The following SPG11 variants were observed in gnomAD, a reference collection of about 807,000 sequenced individuals.
The protein encoded by SPG11 is spatacsin.
A neutral mutation model predicts 274.0 loss-of-function variants in SPG11; 222 were observed. The observed-to-expected ratio is 0.81, with a 90% confidence interval of 0.73 to 0.91. The LOEUF is 0.91. Ranked by LOEUF, SPG11 falls within the 40% of genes least tolerant of loss-of-function variation. The pLI is 0.00. For synonymous variants in SPG11, 1,144 were observed against 1,039.7 expected (o/e 1.10, Z -1.93); for missense variants, 3,114 against 2,872.7 (o/e 1.08, Z -1.92).
chr15:44,656,046 G>A (rs2084931143), intron 4 of SPG11, among the ~76,000 whole-genome samples: 1 of 152,106 alleles, frequency 6.6e-6, no homozygotes, highest in Non-Finnish European at 1.5e-5. Context: ...CCCCTAAGAA[G>A]GATGGAAGGA....
rs1428941848 is a variant in SPG11 at position 44,567,471 on chromosome 15, T to A, written c.6707A>T (p.Glu2236Val). The A allele has an allele frequency of 1.2e-6, 2 of 1,613,696 alleles. No individual in the cohort carries two copies. Among genetic ancestry groups the A allele is most frequent in the Non-Finnish European group, 1.7e-6 (2 of 1,179,928 alleles). ...TTTCAGTTGGATGCGGGCAGCTGCCTCGTGGTTCTCGCCAATCTCCCGGCA... is the reference window on the plus strand; with the variant it reads ...TTTCAGTTGGATGCGGGCAGCTGCCACGTGGTTCTCGCCAATCTCCCGGCA... ...SMCREIGENHEAAARIQLKLI... is the reference protein window; with the variant it reads ...SMCREIGENHVAAARIQLKLI... The change falls in exon 36 of 40, where the codon GAG becomes GTG. Residue 2236 changes from glutamate (E) to valine (V), a missense_variant. Coordinates refer to ENST00000261866, the MANE Select transcript of SPG11 (RefSeq NM_025137.4).
chr15:44,651,591 G>A lies in SPG11; in HGVS notation c.1356C>T (p.Leu452=). The change falls in exon 6 of 40, where the codon CTC becomes CTT. Residue 452 remains leucine (L), a synonymous_variant. Transcript: ENST00000261866. The part of the protein sequence containing the change: ...EVERMGYTIT[L]WDLETQGMQC... ...GCATGCCCTGGGTCTCCAAATCCCA[G>A]AGGGTAATGGTATAGCCCATCCTTT... The A allele has an allele frequency of 1.9e-6, 3 of 1,614,204 alleles. No individual in the cohort carries two copies. Among genetic ancestry groups the A allele is most frequent in the South Asian group, 1.1e-5 (1 of 91,084 alleles).
chr15:44,589,973 A>T (rs1472174260), intron 27 of SPG11, among the ~76,000 whole-genome samples: 1 of 152,032 alleles, frequency 6.6e-6, no homozygotes, highest in African/African-American at 2.4e-5. Context: ...CGCCTGGCTA[A>T]TTTTTTTGTA....
At chr15:44,659,664 AAT>A (rs1052118258) in intron 2 of SPG11, among the ~76,000 whole-genome samples, 11 of 152,250 alleles carry the variant, frequency 7.2e-5, no homozygotes, top group African/African-American at 2.7e-4. Context: ...CTGCTTTAAA[AAT>A]AGAGGCCTGA....
intron 30 of SPG11, among the ~76,000 whole-genome samples, chr15:44,575,864 C>T (rs548893963): frequency 2.0e-4 from 30 of 151,952 alleles, no homozygotes; most frequent in African/African-American, 4.1e-4. Context: ...AGCTCTTGGA[C>T]GGGTGCGGTG....
chr15:44,611,043 T>C, intron 17 of SPG11, 58 bp from the exon 18 acceptor site: 1 of 1,414,218 alleles, frequency 7.1e-7, no homozygotes. Flanking sequence ...AAATTAAGGA[T>C]TACATAAATG....
rs747586599 is a variant in SPG11, at chr15:44,615,383, A to T, written c.3018T>A (p.Tyr1006Ter). ...CTCACTTGTAACAGTCAAGGTAGAC[A>T]TAAAGAAGATGCTGCAGACTGTGCT... is the stretch of plus-strand genomic sequence containing the variant. ...CLEHSLQHLL[Y>*]VYLDCYKLSP... Residue 1006 changes from tyrosine to a stop codon, truncating the protein, a stop_gained, in exon 16 of 40, where the codon TAT becomes TAA. Transcript: ENST00000261866. LOFTEE classifies it high-confidence loss of function. The T allele has an allele frequency of 6.2e-6, 10 of 1,613,784 alleles. No homozygotes were observed. The highest frequency in any genetic ancestry group is 7.6e-6 in the Non-Finnish European group (9 of 1,179,998).
intron 1 of SPG11, among the ~76,000 whole-genome samples, 162 bp downstream of exon 1, chr15:44,663,229 G>C (rs1221155392): frequency 1.3e-5 from 2 of 152,242 alleles, no homozygotes; most frequent in African/African-American, 4.8e-5. Context: ...GAAAGGTTCT[G>C]TGAGGAAACC....
At chr15:44,641,634 A>ACAC (rs1555458681) in intron 7 of SPG11, among the ~76,000 whole-genome samples, 11 of 78,532 alleles carry the variant, frequency 1.4e-4, no homozygotes, top group Admixed American at 2.6e-4. Context: ...CACACACACA[A>ACAC]AACCTTAATC....
At chr15:44,639,288 C>T (rs1050085808) in intron 7 of SPG11, among the ~76,000 whole-genome samples, 35 of 151,602 alleles carry the variant, frequency 2.3e-4, no homozygotes, top group African/African-American at 8.2e-4. Context: ...CACACACACA[C>T]ACACACACAC....
At chr15:44,575,695 A>C (rs1377179597) in intron 30 of SPG11, among the ~76,000 whole-genome samples, 1 of 151,980 alleles carries the variant, frequency 6.6e-6, no homozygotes, top group Non-Finnish European at 1.5e-5. Context: ...AAGTTTTGCC[A>C]TGTTGATCAG....
chr15:44,662,917 T>C (rs1466305929), intron 1 of SPG11, among the ~76,000 whole-genome samples: 1 of 152,226 alleles, frequency 6.6e-6, no homozygotes, highest in Non-Finnish European at 1.5e-5. Flanking sequence ...GACTCTGTCC[T>C]TGAAGAAGAG....
chr15:44,608,685 G>T, intron 18 of SPG11, 80 bp from the exon 19 acceptor site: 1 of 1,365,320 alleles, frequency 7.3e-7, no homozygotes, highest in Non-Finnish European at 1.0e-6. Flanking sequence ...AGAACCTTGT[G>T]AAACAAGATT....
Position 44,564,609 on chromosome 15 carries a change from G to A in SPG11, c.7089C>T (p.Tyr2363=). ...QQVILKGDFN[Y]LEEFKQQRLL... is the part of the protein sequence containing the mutation. ...ACCTTTGCTGCTTAAATTCTTCCAA[G>A]TAATTAAAGTCTCCTTTAAGAATCA... is the stretch of plus-strand genomic sequence containing the variant. The change falls in exon 39 of 40, where the codon TAC becomes TAT. Residue 2363 remains tyrosine, a synonymous_variant. Coordinates refer to ENST00000261866, the MANE Select transcript of SPG11 (RefSeq NM_025137.4). The A allele has an allele frequency of 6.2e-7, 1 of 1,613,738 alleles. No homozygotes were observed. Among genetic ancestry groups the A allele is most frequent in the Non-Finnish European group, 8.5e-7 (1 of 1,179,694 alleles).
rs1225512542 is a variant in SPG11 at position 44,572,752 on chromosome 15, C to G, written c.6274G>C (p.Asp2092His). Reference sequence around the variant, plus strand: ...AACTTCATGCCTACCAATGTGCGGTCTTGACACAGAGTGGTCAGCTGAAGA... The same window carrying G: ...AACTTCATGCCTACCAATGTGCGGTGTTGACACAGAGTGGTCAGCTGAAGA... ...TFLQLTTLCQDRTLVGMKLLD... is the reference protein window; with the variant it reads ...TFLQLTTLCQHRTLVGMKLLD... Residue 2092 changes from aspartate to histidine, a missense_variant, in exon 33 of 40, where the codon GAC becomes CAC. Transcript: ENST00000261866. 1.2e-6 allele frequency: 2 copies of G among 1,614,066 alleles called. No homozygotes were observed. Among genetic ancestry groups the G allele is most frequent in the Non-Finnish European group, 1.7e-6 (2 of 1,179,986 alleles).
chr15:44,598,804 A>G lies in SPG11; in HGVS notation c.3719T>C (p.Ile1240Thr), dbSNP rs770843397. The change falls in exon 22 of 40, where the codon ATA (isoleucine) becomes ACA (threonine). Residue 1240 changes from isoleucine (I) to threonine (T), a missense_variant. Coordinates refer to ENST00000261866, the MANE Select transcript of SPG11 (RefSeq NM_025137.4). Reference sequence around the variant, plus strand: ...AGGTATGTGGAAGGAGGAGAGCCCTATAACATAGGCTTCATTGCCTACTTG... The same window carrying G: ...AGGTATGTGGAAGGAGGAGAGCCCTGTAACATAGGCTTCATTGCCTACTTG... ...IQQVGNEAYV[I>T]GLSSFHIPSI... 16 of 1,614,098 alleles carry G rather than the reference A, an allele frequency of 9.9e-6. No individual in the cohort carries two copies. Among genetic ancestry groups the G allele is most frequent in the South Asian group, 8.8e-5 (8 of 91,088 alleles).
At chr15:44,639,430 G>T (rs569647243) in intron 7 of SPG11, among the ~76,000 whole-genome samples, 27 of 152,236 alleles carry the variant, frequency 1.8e-4, no homozygotes, top group African/African-American at 6.3e-4. Context: ...GTAGCTAGGC[G>T]TGGTGGTTCA....
At chr15:44,581,051 CCAA>C (rs768253486) in intron 30 of SPG11, among the ~76,000 whole-genome samples, 2 of 151,654 alleles carry the variant, frequency 1.3e-5, no homozygotes, top group Non-Finnish European at 2.9e-5. Context: ...CTGCTGAAGA[CCAA>C]CAACAGAAAA....
chr15:44,633,359 A>AAAAAAAAAAAAG (rs1567177921), intron 8 of SPG11, 146 bp downstream of exon 8: 2 of 356,520 alleles, frequency 5.6e-6, no homozygotes, highest in Non-Finnish European at 9.6e-6. Context: ...AAAAAAAAAA[A>AAAAAAAAAAAAG]AAAGAAAGTT....
Sources: allele counts gnomAD v4.1 joint callset (sites outside exome capture counted in the v4.1 genomes callset), GRCh38; gene constraint gnomAD v4.1.1; transcripts MANE v1.5; gene names NCBI Gene and HGNC (gene_info 2026-07-23, HGNC 2026-07-21).